Variants in PCLO observed in about 807,000 individuals in gnomAD.
PCLO encodes protein piccolo.
A neutral mutation model predicts 427.5 loss-of-function variants in PCLO; 82 were observed. That is an observed-to-expected ratio of 0.19 (90% CI 0.16 to 0.23). The LOEUF is 0.23. Among genes scored for constraint, PCLO ranks in the 10% least tolerant of loss-of-function variants. The pLI is 1.00. For synonymous variants in PCLO, 2,357 were observed against 2,155.4 expected (o/e 1.09, Z -2.59); for missense variants, 6,239 against 6,115.9 (o/e 1.02, Z -0.67).
chr7:82,971,341 G>A (rs962886491), intron 3 of PCLO, among the ~76,000 whole-genome samples: 1 of 151,454 alleles, frequency 6.6e-6, no homozygotes, highest in African/African-American at 2.4e-5. Context: ...AGTATCAAAT[G>A]AGTTATAGTT....
At chr7:82,887,062 T>C (rs768543074) in intron 9 of PCLO, among the ~76,000 whole-genome samples, 20 of 152,194 alleles carry the variant, frequency 1.3e-4, no homozygotes, top group Non-Finnish European at 2.5e-4. Flanking sequence ...AAAGTAACAC[T>C]TGCAAAGTTT....
At chr7:82,970,568 T>C (rs1795880181) in intron 3 of PCLO, among the ~76,000 whole-genome samples, 1 of 151,926 alleles carries the variant, frequency 6.6e-6, no homozygotes, top group Admixed American at 6.6e-5. Flanking sequence ...TGGTCTCATA[T>C]GTGTCTCTTC....
At chr7:83,027,855 C>A (rs1024132670) in intron 3 of PCLO, among the ~76,000 whole-genome samples, 14 of 119,438 alleles carry the variant, frequency 1.2e-4, no homozygotes, top group Admixed American at 1.1e-3. Flanking sequence ...AAGACAAAAA[C>A]CACATGATTA....
intron 3 of PCLO, among the ~76,000 whole-genome samples, chr7:83,078,942 T>C (rs17157088): frequency 0.018 from 2,671 of 152,176 alleles, 105 homozygotes; most frequent in African/African-American, 0.062. Flanking sequence ...ATCTTAAACA[T>C]TGTTAAAACT....
At chr7:83,066,071 A>G (rs1789664268) in intron 3 of PCLO, among the ~76,000 whole-genome samples, 1 of 152,056 alleles carries the variant, frequency 6.6e-6, no homozygotes, top group African/African-American at 2.4e-5. Context: ...AAGCTCTCTA[A>G]TCCTTTCATG....
At chr7:82,784,412 T>G (rs1790939955) in intron 22 of PCLO, among the ~76,000 whole-genome samples, 1 of 152,192 alleles carries the variant, frequency 6.6e-6, no homozygotes, top group Non-Finnish European at 1.5e-5. Flanking sequence ...AATGTCATTT[T>G]CTTGTGAGGC....
intron 6 of PCLO, among the ~76,000 whole-genome samples, chr7:82,925,568 T>C (rs1454779222): frequency 6.6e-6 from 1 of 152,110 alleles, no homozygotes; most frequent in Non-Finnish European, 1.5e-5. Flanking sequence ...TTCAGCAGTC[T>C]ATCTTACACA....
intron 3 of PCLO, among the ~76,000 whole-genome samples, chr7:83,098,295 C>CA (rs1482630439): frequency 8.1e-6 from 1 of 123,674 alleles, no homozygotes; most frequent in Non-Finnish European, 1.7e-5. Context: ...ATTGCAGAGA[C>CA]ACAGTAGGAG....
intron 4 of PCLO, among the ~76,000 whole-genome samples, chr7:82,965,316 CTT>C (rs544516132): frequency 1.4e-4 from 17 of 122,996 alleles, no homozygotes; most frequent in East Asian, 2.4e-4. Context: ...TTCTTTCTTT[CTT>C]TTTTTTTTTT....
intron 3 of PCLO, among the ~76,000 whole-genome samples, chr7:83,098,355 T>G (rs1162557030): frequency 6.6e-6 from 1 of 152,174 alleles, no homozygotes; most frequent in African/African-American, 2.4e-5. Flanking sequence ...ATTAGTGTAT[T>G]GTTAATGATC....
In PCLO at chr7:82,877,221, C is replaced by A. The variant is rs111522013; in HGVS notation, c.13654+2116G>T. On this transcript the variant is annotated intron_variant, in intron 10 of 24. Transcript: ENST00000333891. ...GAGCATCACTTCCTCATAGAATATA[C>A]TGCGTTGATATTGTCTTTAGAATCA... Among the ~76,000 whole-genome samples the A allele has an allele frequency of 5.5e-3, 832 of 152,064 alleles. 6 individuals carry two copies. Among genetic ancestry groups the A allele is most frequent in the African/African-American group, 0.016 (670 of 41,484 alleles).
chr7:82,941,477 G>A (rs543641426), intron 6 of PCLO, among the ~76,000 whole-genome samples: 1 of 152,246 alleles, frequency 6.6e-6, no homozygotes, highest in African/African-American at 2.4e-5. Context: ...TTGATGTTGG[G>A]TAGGTACAGG....
Position 82,879,327 on chromosome 7 carries a change from T to C in PCLO, c.13654+10A>G. Reference sequence around the variant, plus strand: ...TCATTTTATTTTACTGTAAAATTCCTTATTCTTACCTTCCATAAGCTTCCC... The same window carrying C: ...TCATTTTATTTTACTGTAAAATTCCCTATTCTTACCTTCCATAAGCTTCCC... On this transcript the variant is annotated intron_variant, in intron 10 of 24. Transcript: ENST00000333891. 1 of 1,598,806 alleles carries C rather than the reference T, an allele frequency of 6.3e-7. No homozygotes were observed. The highest frequency in any genetic ancestry group is 8.5e-7 in the Non-Finnish European group (1 of 1,174,602).
intron 3 of PCLO, among the ~76,000 whole-genome samples, chr7:82,998,082 A>G (rs1297602116): frequency 1.3e-5 from 2 of 152,004 alleles, no homozygotes. Context: ...GAGAAGCACA[A>G]CTTACCAGTG....
chr7:83,158,097 C>G (rs147273982), intron 1 of PCLO, among the ~76,000 whole-genome samples: 3 of 151,864 alleles, frequency 2.0e-5, no homozygotes, highest in Non-Finnish European at 4.4e-5. Flanking sequence ...TAAATGGCAA[C>G]GTATGCATAA....
intron 22 of PCLO, among the ~76,000 whole-genome samples, chr7:82,787,678 C>T (rs1791012563): frequency 6.6e-6 from 1 of 152,024 alleles, no homozygotes; most frequent in Non-Finnish European, 1.5e-5. Flanking sequence ...GGAAATAGAT[C>T]ATATTCAGAG....
At chr7:83,106,186 C>A (rs1484527069) in intron 3 of PCLO, among the ~76,000 whole-genome samples, 1 of 152,178 alleles carries the variant, frequency 6.6e-6, no homozygotes, top group Non-Finnish European at 1.5e-5. Context: ...ATCTTAGCAT[C>A]ATTTGAGGTG....
intron 22 of PCLO, among the ~76,000 whole-genome samples, chr7:82,786,641 A>C (rs1344897142): frequency 6.6e-6 from 1 of 152,134 alleles, no homozygotes; most frequent in African/African-American, 2.4e-5. Flanking sequence ...TGTGCAGAGC[A>C]TGCAGGTTTG....
intron 3 of PCLO, among the ~76,000 whole-genome samples, chr7:83,063,973 T>G (rs998533098): frequency 6.6e-6 from 1 of 152,048 alleles, no homozygotes; most frequent in Non-Finnish European, 1.5e-5. Context: ...TGAGAAAATA[T>G]AAAGTATTTG....
Sources: gnomAD v4.1 joint callset for allele counts (sites outside exome capture counted in the v4.1 genomes callset) on GRCh38, gnomAD v4.1.1 for gene constraint, MANE v1.5 for transcripts, NCBI Gene and HGNC (gene_info 2026-07-23, HGNC 2026-07-21) for gene names.